Variants in ZC3H12B observed in about 807,000 individuals in gnomAD.
ZC3H12B encodes the protein probable ribonuclease ZC3H12B.
Under a neutral mutation model 43.9 loss-of-function variants are expected in ZC3H12B, and 7 were observed. That is an observed-to-expected ratio of 0.16 (90% CI 0.09 to 0.30). The LOEUF is 0.30. ZC3H12B is among the 10% of genes least tolerant of loss of function. The pLI, the probability that ZC3H12B is intolerant of heterozygous loss-of-function variation, is 1.00. For missense variants in ZC3H12B, 475 were observed against 670.2 expected, an observed-to-expected ratio of 0.71 and a Z score of 3.22; for synonymous variants, 222 against 241.7, an observed-to-expected ratio of 0.92 and a Z score of 0.76.
At chrX:65,174,083 C>G in the ZC3H12B span, among the ~76,000 whole-genome samples, 1 of 111,351 alleles carries the variant, frequency 9.0e-6, no homozygotes, top group Non-Finnish European at 1.9e-5. Context: ...TACAGAATAG[C>G]AAAGATTGTT....
chrX:65,419,260 T>C (rs1408867347), intron 3 of ZC3H12B, among the ~76,000 whole-genome samples: 1 of 112,021 alleles, frequency 8.9e-6, no homozygotes. Context: ...AGGAAAATCA[T>C]AAACCAAAAG....
chrX:65,428,475 T>A (rs1193853723), intron 3 of ZC3H12B, among the ~76,000 whole-genome samples: 3 of 112,628 alleles, frequency 2.7e-5, no homozygotes, highest in Admixed American at 9.4e-5. Context: ...TTCTCTATTC[T>A]TGTCTGCCTG....
chrX:65,169,494 G>A, the ZC3H12B span, among the ~76,000 whole-genome samples: 150 of 112,082 alleles, frequency 1.3e-3, 1 homozygote, highest in Middle Eastern at 4.6e-3. Flanking sequence ...ATGGTGCTGA[G>A]AAGAATGTAT....
the ZC3H12B span, among the ~76,000 whole-genome samples, chrX:65,256,016 A>G: frequency 2.7e-5 from 3 of 112,637 alleles, no homozygotes; most frequent in Non-Finnish European, 5.6e-5. Flanking sequence ...TGCCCAACAC[A>G]GTAGCACACA....
chrX:65,128,510 A>C, the ZC3H12B span, among the ~76,000 whole-genome samples: 22 of 111,756 alleles, frequency 2.0e-4, no homozygotes, highest in Admixed American at 1.9e-3. Flanking sequence ...TTGTTGGTGC[A>C]TTGAAAGAAT....
At chrX:65,255,926 C>A in the ZC3H12B span, among the ~76,000 whole-genome samples, 1 of 111,953 alleles carries the variant, frequency 8.9e-6, no homozygotes, top group East Asian at 2.8e-4. Flanking sequence ...CAACAATAAT[C>A]AAAAAAGTCA....
At chrX:65,333,965 A>G in the ZC3H12B span, among the ~76,000 whole-genome samples, 1 of 112,002 alleles carries the variant, frequency 8.9e-6, no homozygotes. Context: ...TCATATTTAC[A>G]CAAATACAGT....
chrX:65,336,353 C>T, the ZC3H12B span, among the ~76,000 whole-genome samples: 6 of 111,295 alleles, frequency 5.4e-5, no homozygotes, highest in Non-Finnish European at 7.6e-5. Context: ...GGGGCCAAGC[C>T]ACAACACAAA....
the ZC3H12B span, among the ~76,000 whole-genome samples, chrX:65,147,475 C>T: frequency 1.8e-5 from 2 of 110,654 alleles, no homozygotes; most frequent in Non-Finnish European, 3.8e-5. Context: ...AGCCTGAAGC[C>T]TGGGTCTATA....
At chrX:65,261,991 C>A in the ZC3H12B span, among the ~76,000 whole-genome samples, 1 of 110,284 alleles carries the variant, frequency 9.1e-6, no homozygotes, top group Non-Finnish European at 1.9e-5. Context: ...TTGAAGAGTT[C>A]ATGTACCCTT....
intron 3 of ZC3H12B, among the ~76,000 whole-genome samples, chrX:65,459,319 T>C (rs1024545859): frequency 9.0e-6 from 1 of 111,632 alleles, no homozygotes; most frequent in Non-Finnish European, 1.9e-5. Context: ...ACTACTCCAA[T>C]CAATAGAAAA....
chrX:65,424,321 C>T (rs912638274), intron 3 of ZC3H12B, among the ~76,000 whole-genome samples: 1 of 111,441 alleles, frequency 9.0e-6, no homozygotes, highest in Non-Finnish European at 1.9e-5. Context: ...GTTGTTTGTT[C>T]CATTCTTGTA....
chrX:65,364,014 T>C (rs990460233), upstream of ZC3H12B, among the ~76,000 whole-genome samples: 2 of 111,201 alleles, frequency 1.8e-5, no homozygotes, highest in African/African-American at 6.6e-5. Flanking sequence ...ACTGTATCTC[T>C]CTGATACACC....
chrX:65,166,758 C>G, the ZC3H12B span, among the ~76,000 whole-genome samples: 218 of 111,972 alleles, frequency 1.9e-3, 3 homozygotes, highest in African/African-American at 6.7e-3. Flanking sequence ...GAGATGGTAT[C>G]TCATTGTGGT....
At chrX:65,201,395 T>A in the ZC3H12B span, among the ~76,000 whole-genome samples, 65 of 111,785 alleles carry the variant, frequency 5.8e-4, no homozygotes, top group Non-Finnish European at 1.3e-4. Context: ...AGTGGTGCTA[T>A]CCCCCTTATC....
At chrX:65,111,271 G>A in the ZC3H12B span, among the ~76,000 whole-genome samples, 2 of 111,313 alleles carry the variant, frequency 1.8e-5, no homozygotes, top group South Asian at 7.4e-4. Context: ...ATATCGATTA[G>A]GAGTAGTAAG....
At chrX:65,067,842 G>A in the ZC3H12B span, among the ~76,000 whole-genome samples, 1 of 110,701 alleles carries the variant, frequency 9.0e-6, no homozygotes, top group African/African-American at 3.3e-5. Context: ...TTCATTTGAA[G>A]TTTATTCTCT....
chrX:65,259,230 A>G, the ZC3H12B span, among the ~76,000 whole-genome samples: 3 of 111,880 alleles, frequency 2.7e-5, no homozygotes, highest in African/African-American at 9.7e-5. Flanking sequence ...AAACTAATGG[A>G]TCAGAATAGA....
chrX:65,081,309 A>C, the ZC3H12B span, among the ~76,000 whole-genome samples: 1 of 111,090 alleles, frequency 9.0e-6, no homozygotes, highest in African/African-American at 3.3e-5. Context: ...ATGTAAATGG[A>C]CTAAACTCCT....
Sources: allele counts gnomAD v4.1 joint callset (sites outside exome capture counted in the v4.1 genomes callset), GRCh38; gene constraint gnomAD v4.1.1; transcripts MANE v1.5; gene names NCBI Gene and HGNC (gene_info 2026-07-23, HGNC 2026-07-21).